ROBO2: variants seen among roughly 807,000 people sequenced by gnomAD.
The protein encoded by ROBO2 is roundabout guidance receptor 2, also known as roundabout homolog 2.
In ROBO2, 53 loss-of-function variants were observed where a neutral mutation model predicts 160.8. The ratio of observed to expected loss-of-function variants is 0.33; its 90% CI spans 0.26 to 0.41. The LOEUF (loss-of-function observed/expected upper bound fraction) is 0.41. ROBO2 is among the 10% of genes least tolerant of loss of function. ROBO2 has a pLI of 1.00. For missense variants in ROBO2, 1,577 were observed against 1,722.4 expected (o/e 0.92, Z 1.49); for synonymous variants, 664 against 611.7 (o/e 1.09, Z -1.26).
chr3:77,599,975 A>G (rs182778779), intron 19 of ROBO2, among the ~76,000 whole-genome samples: 1 of 152,300 alleles, frequency 6.6e-6, no homozygotes, highest in Admixed American at 6.5e-5. Flanking sequence ...TGTGAGTACA[A>G]GTATAACCAA....
rs529674783 is a variant in ROBO2 at position 77,257,158 on chromosome 3, G to A, written c.388+158818G>A. 3.2e-4 allele frequency among the ~76,000 whole-genome samples: 49 copies of A among 152,216 alleles called. 1 individual carries two copies. In the South Asian group the frequency reaches 0.01, roughly 32 times the overall value. The stretch of plus-strand genomic sequence containing the variant: ...TTACACTTGATAATCTGAAATGAGG[G>A]CCCCTGTGATCACCAGCTTCTGTCT... On this transcript the variant is annotated intron_variant, in intron 2 of 25. Transcript: ENST00000461745.
chr3:77,443,956 A>C (rs2080209086), intron 2 of ROBO2, among the ~76,000 whole-genome samples: 1 of 152,206 alleles, frequency 6.6e-6, no homozygotes, highest in Admixed American at 6.5e-5. Flanking sequence ...AACAATCTGC[A>C]TAAAGCATCT....
chr3:76,573,842 C>G (rs1407497652), intron 2 of ROBO2, among the ~76,000 whole-genome samples: 2 of 152,088 alleles, frequency 1.3e-5, no homozygotes, highest in African/African-American at 4.8e-5. Flanking sequence ...GCTCTCTTCA[C>G]TGCATGAAAT....
At chr3:77,368,885 A>T (rs1281102018) in intron 2 of ROBO2, among the ~76,000 whole-genome samples, 1 of 152,154 alleles carries the variant, frequency 6.6e-6, no homozygotes, top group African/African-American at 2.4e-5. Flanking sequence ...GAATACATGC[A>T]TAGTATAACC....
chr3:77,178,870 T>C (rs1326217788), intron 2 of ROBO2, among the ~76,000 whole-genome samples: 2 of 152,040 alleles, frequency 1.3e-5, no homozygotes, highest in Non-Finnish European at 2.9e-5. Context: ...TAAGAAATAC[T>C]TACGCTGTTC....
chr3:76,462,970 C>G (rs143482738), intron 2 of ROBO2, among the ~76,000 whole-genome samples: 25 of 152,290 alleles, frequency 1.6e-4, no homozygotes, highest in Middle Eastern at 3.4e-3. Context: ...GCCCTAGCAT[C>G]CACAGGCCCA....
At chr3:75,947,506 A>G (rs1223121082) in intron 2 of ROBO2, among the ~76,000 whole-genome samples, 1 of 152,186 alleles carries the variant, frequency 6.6e-6, no homozygotes. Flanking sequence ...ACCTCTTGGC[A>G]ACACAAAGCC....
At chr3:76,584,763 C>T (rs965400790) in intron 2 of ROBO2, among the ~76,000 whole-genome samples, 2 of 152,124 alleles carry the variant, frequency 1.3e-5, no homozygotes, top group African/African-American at 4.8e-5. Context: ...ATGTACACAC[C>T]ATCCACCACC....
chr3:76,892,474 G>T (rs995795133), intron 2 of ROBO2, among the ~76,000 whole-genome samples: 1 of 152,070 alleles, frequency 6.6e-6, no homozygotes, highest in Non-Finnish European at 1.5e-5. Flanking sequence ...CTAGTGCCCA[G>T]ATGCCAATAA....
chr3:77,361,023 C>A (rs1010410507), intron 2 of ROBO2, among the ~76,000 whole-genome samples: 8 of 151,850 alleles, frequency 5.3e-5, no homozygotes, highest in African/African-American at 1.9e-4. Flanking sequence ...GTTTAAAATT[C>A]CAGATCTCTT....
intron 2 of ROBO2, among the ~76,000 whole-genome samples, chr3:77,184,585 C>T (rs1034016052): frequency 7.2e-5 from 11 of 151,840 alleles, no homozygotes; most frequent in African/African-American, 2.7e-4. Context: ...TTTGGGTTTG[C>T]ACATCAGGGA....
chr3:76,602,400 C>T (rs752579945), intron 2 of ROBO2, among the ~76,000 whole-genome samples: 34 of 152,246 alleles, frequency 2.2e-4, no homozygotes, highest in Non-Finnish European at 4.0e-4. Context: ...CGTTCGTTTT[C>T]ATGCTGCTGA....
intron 2 of ROBO2, among the ~76,000 whole-genome samples, chr3:76,898,400 C>G (rs774468058): frequency 1.3e-5 from 2 of 152,014 alleles, no homozygotes; most frequent in African/African-American, 2.4e-5. Context: ...AAAAGACTTA[C>G]TCTTAAGATG....
intron 2 of ROBO2, among the ~76,000 whole-genome samples, chr3:76,625,451 A>G (rs1578656329): frequency 6.6e-6 from 1 of 152,188 alleles, no homozygotes; most frequent in African/African-American, 2.4e-5. Flanking sequence ...GCATACATGT[A>G]CTATGGGGGC....
intron 23 of ROBO2, chr3:77,631,098 C>T (rs1018418643): frequency 1.3e-5 from 2 of 151,672 alleles, no homozygotes; most frequent in African/African-American, 2.4e-5. Context: ...GGTGTTATCT[C>T]GGCTTCCTTG....
chr3:77,292,450 A>G (rs1273949120), intron 2 of ROBO2, among the ~76,000 whole-genome samples: 1 of 151,954 alleles, frequency 6.6e-6, no homozygotes, highest in Admixed American at 6.6e-5. Context: ...CCAAAGACAT[A>G]AAGAAAAATT....
chr3:76,314,366 G>A (rs1185409808), intron 2 of ROBO2, among the ~76,000 whole-genome samples: 1 of 151,976 alleles, frequency 6.6e-6, no homozygotes, highest in Non-Finnish European at 1.5e-5. Flanking sequence ...ATTCACATGA[G>A]CATAACTCTA....
intron 2 of ROBO2, among the ~76,000 whole-genome samples, chr3:76,835,406 T>A (rs1480593742): frequency 1.4e-5 from 2 of 147,132 alleles, no homozygotes; most frequent in Non-Finnish European, 1.5e-5. Context: ...TATATAATAA[T>A]ATATAATATA....
chr3:77,218,010 A>G (rs2085210750), intron 2 of ROBO2, among the ~76,000 whole-genome samples: 1 of 152,242 alleles, frequency 6.6e-6, no homozygotes, highest in Non-Finnish European at 1.5e-5. Context: ...TATCCATGCC[A>G]AAGATAGCTT....
Sources: gnomAD v4.1 joint callset for allele counts (sites outside exome capture counted in the v4.1 genomes callset) on GRCh38, gnomAD v4.1.1 for gene constraint, MANE v1.5 for transcripts, NCBI Gene and HGNC (gene_info 2026-07-23, HGNC 2026-07-21) for gene names.